The following ADAT1 variants were observed in gnomAD, a reference collection of about 807,000 sequenced individuals.
ADAT1 encodes tRNA-specific adenosine deaminase 1.
ADAT1 carries 58 observed loss-of-function variants against 58.6 expected under a neutral mutation model. That is an observed-to-expected ratio of 0.99 (90% CI 0.80 to 1.23). The LOEUF is 1.23. Ranked by LOEUF, ADAT1 falls within the 50% of genes most tolerant of loss-of-function variation. ADAT1 has a pLI of 0.00. For missense variants in ADAT1, 741 were observed against 608.6 expected (o/e 1.22, Z -2.29); for synonymous variants, 254 against 220.8 (o/e 1.15, Z -1.33).
At chr16:75,622,232 C>T (rs2081954440) in intron 1 of ADAT1, among the ~76,000 whole-genome samples, 171 bp downstream of exon 1, 1 of 152,176 alleles carries the variant, frequency 6.6e-6, no homozygotes, top group South Asian at 2.1e-4. Flanking sequence ...TGCAGCGCAA[C>T]GTGCAGGCTC....
intron 7 of ADAT1, 131 bp downstream of exon 7, chr16:75,608,712 C>G: frequency 8.8e-7 from 1 of 1,138,960 alleles, no homozygotes; most frequent in Non-Finnish European, 1.2e-6. Context: ...CTATGGGTGT[C>G]TCTAAAGCCC....
intron 5 of ADAT1, among the ~76,000 whole-genome samples, chr16:75,615,371 C>G (rs2081668665): frequency 1.3e-5 from 2 of 148,290 alleles, no homozygotes. Flanking sequence ...AGGGCATAAT[C>G]AAACTACATA....
At chr16:75,604,642 A>T (rs930901481) in intron 8 of ADAT1, among the ~76,000 whole-genome samples, 4 of 151,574 alleles carry the variant, frequency 2.6e-5, no homozygotes, top group African/African-American at 7.3e-5. Flanking sequence ...AAATTTATAA[A>T]GCGCAACTAT....
chr16:75,619,168 G>A (rs901463351), intron 3 of ADAT1, among the ~76,000 whole-genome samples: 1 of 152,162 alleles, frequency 6.6e-6, no homozygotes, highest in African/African-American at 2.4e-5. Context: ...AGGAGGTTAA[G>A]GCAAGGAGAA....
At chr16:75,603,788 A>G (rs1388453286) in intron 8 of ADAT1, among the ~76,000 whole-genome samples, 3 of 152,158 alleles carry the variant, frequency 2.0e-5, no homozygotes, top group Non-Finnish European at 4.4e-5. Flanking sequence ...CATGAGCTGC[A>G]TCTAGAAATT....
intron 1 of ADAT1, 30 bp from the exon 2 acceptor site, chr16:75,620,850 A>T (rs9921233): frequency 0.085 from 134,380 of 1,575,636 alleles, 6,089 homozygotes; most frequent in East Asian, 0.11. Context: ...CATCAGAAGT[A>T]CGGAAAGGAG....
At position 75,622,689 on chromosome 16, in the gene ADAT1, C is replaced by G. The variant is rs1017540915; in HGVS notation, c.-308G>C. ...TACACCCCCTCCTAGATCTTGAAAACTTGAAGAACTTCTTAGCTGAAAATA... is the reference window on the plus strand; with the variant it reads ...TACACCCCCTCCTAGATCTTGAAAAGTTGAAGAACTTCTTAGCTGAAAATA... On this transcript the variant is annotated 5_prime_UTR_variant, in exon 1 of 10. Coordinates refer to ENST00000564657, the MANE Select transcript of ADAT1 (RefSeq NM_001324445.2). The G allele has an allele frequency of 4.6e-5, 7 of 152,226 alleles. No homozygotes were observed. Among genetic ancestry groups the G allele is most frequent in the Admixed American group, 2.0e-4 (3 of 15,280 alleles). The allele number at this position is 152,226 out of a possible 1,614,324, so 9.4% of individuals were successfully genotyped here.
chr16:75,608,926 G>T lies in ADAT1; in HGVS notation c.1106C>A (p.Ser369Ter). ...FGVQELKILQ[S>*]DLLFEQSRSA... ...GCGGCTCTGTTCAAATAGTAAATCT[G>T]ACTGCAGTATTTTTAATTCTTGAAC... The change falls in exon 7 of 10, where the codon TCA becomes TAA. Residue 369 changes from serine to a stop codon, truncating the protein, a stop_gained. Transcript: ENST00000564657. LOFTEE classifies it high-confidence loss of function. 1 of 1,614,192 alleles carries T rather than the reference G, an allele frequency of 6.2e-7. No homozygotes were observed. Among genetic ancestry groups the T allele is most frequent in the South Asian group, 1.1e-5 (1 of 91,064 alleles).
chr16:75,620,320 C>A lies in ADAT1; in HGVS notation c.184G>T (p.Val62Leu). 6.2e-7 allele frequency: 1 copy of A among 1,614,162 alleles called. No homozygotes were observed. The highest frequency in any genetic ancestry group is 1.3e-5 in the African/African-American group (1 of 75,062). ...CATTTTGTTCCTGTTCCCATTGACA[C>A]AACTTCCTTTGTCACTGTGGGAAAA... Reference protein sequence around the residue: ...DKPVQVTKEVVSMGTGTKCIG... With the variant: ...DKPVQVTKEVLSMGTGTKCIG... Residue 62 changes from valine to leucine, a missense_variant, in exon 3 of 10, where the codon GTG (valine) becomes TTG (leucine). Val to Leu is a conservative substitution (Grantham distance 32). Transcript: ENST00000564657.
chr16:75,599,253 T>C lies in ADAT1; in HGVS notation c.*963A>G. ...TGCGCCACCATGCCCGGCTAGTTTT[T>C]GCATTTTTAGTAGAGACAGGGTTTC... On this transcript the variant is annotated 3_prime_UTR_variant, in exon 10 of 10. Coordinates refer to ENST00000564657, the MANE Select transcript of ADAT1 (RefSeq NM_001324445.2). 1 of 845,026 alleles carries C rather than the reference T, an allele frequency of 1.2e-6. No individual in the cohort carries two copies. The highest frequency in any genetic ancestry group is 1.4e-6 in the Non-Finnish European group (1 of 702,254). The allele number at this position is 845,026 out of a possible 1,614,324, so 52.3% of individuals were successfully genotyped here. A position where few individuals can be genotyped will look rare whatever the true frequency, so the allele number is the denominator to read the frequency against.
chr16:75,604,531 A>G (rs2081321828), intron 8 of ADAT1, among the ~76,000 whole-genome samples: 1 of 147,034 alleles, frequency 6.8e-6, no homozygotes, highest in Admixed American at 6.9e-5. Context: ...ATATACATAT[A>G]TATAATTATG....
In ADAT1 at chr16:75,597,218, T is replaced by C. The variant is rs2081090864; in HGVS notation, c.*2998A>G. 6.5e-6 allele frequency: 2 copies of C among 306,860 alleles called. No homozygotes were observed. Among genetic ancestry groups the C allele is most frequent in the Non-Finnish European group, 1.3e-5 (2 of 153,470 alleles). 19.0% of individuals were successfully genotyped at this position (306,860 alleles called of 1,614,324 possible). A position where few individuals can be genotyped will look rare whatever the true frequency, so the allele number is the denominator to read the frequency against. Reference sequence around the variant, plus strand: ...TTAGTTAAGATGAAATCAGACTGGATTAGGGCAGGCCCTAAATCCAATTAC... The same window carrying C: ...TTAGTTAAGATGAAATCAGACTGGACTAGGGCAGGCCCTAAATCCAATTAC... On this transcript the variant is annotated 3_prime_UTR_variant, in exon 10 of 10. Coordinates refer to ENST00000564657, the MANE Select transcript of ADAT1 (RefSeq NM_001324445.2).
chr16:75,597,306 C>A lies in ADAT1; in HGVS notation c.*2910G>T, dbSNP rs779013367. 3.5e-5 allele frequency: 15 copies of A among 424,562 alleles called. No homozygotes were observed. The highest frequency in any genetic ancestry group is 8.1e-5 in the African/African-American group (4 of 49,164). 26.3% of individuals were successfully genotyped at this position (424,562 alleles called of 1,614,324 possible). A position where few individuals can be genotyped will look rare whatever the true frequency, so the allele number is the denominator to read the frequency against. Reference sequence around the variant, plus strand: ...ACAGGGAAGAAGGCCATGCGAGACACAGACACAGAAGGCCATGTGAAGACG... The same window carrying A: ...ACAGGGAAGAAGGCCATGCGAGACAAAGACACAGAAGGCCATGTGAAGACG... On this transcript the variant is annotated 3_prime_UTR_variant, in exon 10 of 10. Coordinates refer to ENST00000564657, the MANE Select transcript of ADAT1 (RefSeq NM_001324445.2).
In ADAT1 at chr16:75,597,857, A is replaced by G. The variant is rs2081113450; in HGVS notation, c.*2359T>C. 6.6e-6 allele frequency among the ~76,000 whole-genome samples: 1 copy of G among 152,190 alleles called. No individual in the cohort carries two copies. The highest frequency in any genetic ancestry group is 2.4e-5 in the African/African-American group (1 of 41,452). ...GACAGGAGGAGGAGCTACGGCAGAA[A>G]TGTGAGCGATGGGGGGCAGCCATAA... On this transcript the variant is annotated 3_prime_UTR_variant, in exon 10 of 10. Coordinates refer to ENST00000564657, the MANE Select transcript of ADAT1 (RefSeq NM_001324445.2).
chr16:75,623,205 C>G lies in ADAT1; in HGVS notation c.-824G>C, dbSNP rs186508915. On this transcript the variant is annotated 5_prime_UTR_variant, in exon 1 of 10. Transcript: ENST00000564657. ...GTTAGCCCGGATAAACCTGCCCCGT[C>G]GCCCCAGCGCCTCGCGGACGCTCCC... The G allele has an allele frequency of 6.6e-6, 1 of 151,952 alleles. No individual in the cohort carries two copies. The highest frequency in any genetic ancestry group is 1.5e-5 in the Non-Finnish European group (1 of 68,076). 9.4% of individuals were successfully genotyped at this position (151,952 alleles called of 1,614,324 possible).
In ADAT1 at chr16:75,618,753, G is replaced by C. The variant is rs1187459659; in HGVS notation, c.239-113C>G. ...CACCCAGGATGGTCATGTAGCTCCT[G>C]GAGAGCTTTGCCAGAAGGTACCACA... On this transcript the variant is annotated intron_variant, in intron 3 of 9. Transcript: ENST00000564657. The C allele has an allele frequency of 1.1e-5, 14 of 1,239,190 alleles. No homozygotes were observed. In the South Asian group the frequency reaches 1.3e-4, roughly 11 times the overall value. 76.8% of individuals were successfully genotyped at this position (1,239,190 alleles called of 1,614,324 possible).
At chr16:75,621,967 G>A (rs896507922) in intron 1 of ADAT1, among the ~76,000 whole-genome samples, 5 of 152,214 alleles carry the variant, frequency 3.3e-5, no homozygotes, top group African/African-American at 1.2e-4. Flanking sequence ...GGCCAACGTG[G>A]TGAAACCCTG....
intron 4 of ADAT1, 24 bp from the exon 5 acceptor site, chr16:75,617,296 G>C (rs766336731): frequency 1.9e-6 from 3 of 1,604,834 alleles, no homozygotes; most frequent in Non-Finnish European, 8.5e-7. Context: ...GATGTTATTA[G>C]GATGAACAAC....
At chr16:75,608,170 G>A in intron 8 of ADAT1, 54 bp downstream of exon 8, 3 of 1,447,360 alleles carry the variant, frequency 2.1e-6, no homozygotes, top group Non-Finnish European at 2.9e-6. Flanking sequence ...GAATTAGATA[G>A]TGGTAGAGTG....
Sources: gnomAD v4.1 joint callset for allele counts (sites outside exome capture counted in the v4.1 genomes callset) on GRCh38, gnomAD v4.1.1 for gene constraint, MANE v1.5 for transcripts, NCBI Gene and HGNC (gene_info 2026-07-23, HGNC 2026-07-21) for gene names.